The following FIG4 variants were observed in gnomAD, a reference collection of about 807,000 sequenced individuals.
FIG4 encodes the protein FIG4 phosphoinositide 5-phosphatase, also known as polyphosphoinositide phosphatase.
Under a neutral mutation model 118.6 loss-of-function variants are expected in FIG4, and 112 were observed. The ratio of observed to expected loss-of-function variants is 0.94; its 90% CI spans 0.81 to 1.11. The LOEUF (loss-of-function observed/expected upper bound fraction) is 1.11, where lower values mean the gene tolerates loss of function less well. FIG4 is among the 50% of genes least tolerant of loss of function. The pLI is 0.00. For missense variants in FIG4, 969 were observed against 1,111.7 expected, an observed-to-expected ratio of 0.87 and a Z score of 1.83; for synonymous variants, 369 against 381.2, an observed-to-expected ratio of 0.97 and a Z score of 0.37.
intron 1 of FIG4, among the ~76,000 whole-genome samples, chr6:109,705,046 G>A (rs1775021977): frequency 1.3e-5 from 2 of 152,016 alleles, no homozygotes. Context: ...CTAGATGAAG[G>A]GTATATGGGT....
intron 17 of FIG4, 68 bp downstream of exon 17, chr6:109,785,096 A>G: frequency 1.1e-6 from 1 of 872,978 alleles, no homozygotes; most frequent in Non-Finnish European, 2.0e-6. Flanking sequence ...ATGAACTTGA[A>G]GCATTAAATC....
chr6:109,791,314 T>C (rs1344153542), intron 19 of FIG4, 62 bp from the exon 20 acceptor site: 24 of 1,377,564 alleles, frequency 1.7e-5, no homozygotes, highest in Non-Finnish European at 2.4e-5. Flanking sequence ...GACAGAGTGA[T>C]AGACAGTGGG....
chr6:109,785,910 AC>A, intron 17 of FIG4: 1 of 317,862 alleles, frequency 3.1e-6, no homozygotes, highest in South Asian at 2.7e-5. Flanking sequence ...AAGGGTTTTA[AC>A]TAACAGTGGC....
In FIG4 at chr6:109,760,255, A is replaced by G; in HGVS notation, c.1143A>G (p.Arg381=). 2.5e-6 allele frequency: 4 copies of G among 1,613,548 alleles called. No homozygotes were observed. Among genetic ancestry groups the G allele is most frequent in the African/African-American group, 1.3e-5 (1 of 75,056 alleles). ...ATGTTTAATTTTTGATAAAGGAACG[A>G]GAGAAAAGAAAGCATGAAAGAATTC... ...PIIILNLVKE[R]EKRKHERILS... The change falls in exon 11 of 23, where the codon CGA becomes CGG. Residue 381 remains arginine (R), a synonymous_variant. Coordinates refer to ENST00000230124, the MANE Select transcript of FIG4 (RefSeq NM_014845.6).
intron 22 of FIG4, among the ~76,000 whole-genome samples, chr6:109,799,225 A>G (rs1444718679): frequency 2.0e-5 from 3 of 152,220 alleles, no homozygotes; most frequent in Non-Finnish European, 4.4e-5. Context: ...AGAATTCTTT[A>G]ACCTTTTCCA....
chr6:109,780,568 A>C (rs1777770911), intron 16 of FIG4, among the ~76,000 whole-genome samples: 1 of 152,216 alleles, frequency 6.6e-6, no homozygotes, highest in African/African-American at 2.4e-5. Context: ...ATTAAAGATC[A>C]TACGGGATGC....
chr6:109,803,859 A>G (rs1445440226), intron 22 of FIG4, among the ~76,000 whole-genome samples: 1 of 148,166 alleles, frequency 6.7e-6, no homozygotes, highest in Non-Finnish European at 1.5e-5. Context: ...ATGAGTGAGA[A>G]CATGCTGTGT....
chr6:109,809,386 A>G (rs1269987257), intron 22 of FIG4, among the ~76,000 whole-genome samples: 2 of 152,180 alleles, frequency 1.3e-5, no homozygotes, highest in Non-Finnish European at 2.9e-5. Context: ...TGTTTATGCT[A>G]TCATGTGTTG....
intron 21 of FIG4, among the ~76,000 whole-genome samples, chr6:109,795,095 G>GGTT (rs1778240980): frequency 3.5e-5 from 2 of 57,250 alleles, no homozygotes; most frequent in South Asian, 6.9e-4. Context: ...ACACTTGCCA[G>GGTT]TTTTTTTTTT....
chr6:109,725,091 AT>A (rs917701366), intron 3 of FIG4, among the ~76,000 whole-genome samples: 1 of 151,542 alleles, frequency 6.6e-6, no homozygotes. Flanking sequence ...GTTTAGAGTA[AT>A]TTTTTTTTAA....
intron 14 of FIG4, among the ~76,000 whole-genome samples, chr6:109,766,430 G>T (rs1274740489): frequency 6.6e-6 from 1 of 152,176 alleles, no homozygotes; most frequent in Non-Finnish European, 1.5e-5. Flanking sequence ...GAATTGCTCT[G>T]GCAGGCTGCA....
At chr6:109,707,970 T>C (rs1775140005) in intron 1 of FIG4, among the ~76,000 whole-genome samples, 1 of 151,836 alleles carries the variant, frequency 6.6e-6, no homozygotes, top group Non-Finnish European at 1.5e-5. Flanking sequence ...ACATTTTGAT[T>C]ATTCATTTTA....
intron 15 of FIG4, among the ~76,000 whole-genome samples, chr6:109,773,382 CA>C (rs1777522517): frequency 6.6e-6 from 1 of 152,164 alleles, no homozygotes; most frequent in South Asian, 2.1e-4. Flanking sequence ...AGAAATCTAA[CA>C]AAATCACAAA....
chr6:109,731,880 A>G (rs889199066), intron 4 of FIG4, among the ~76,000 whole-genome samples: 1 of 152,180 alleles, frequency 6.6e-6, no homozygotes, highest in African/African-American at 2.4e-5. Context: ...ATAACTTTCA[A>G]CGTAACTAGG....
At chr6:109,759,860 T>C (rs1470718693) in intron 10 of FIG4, among the ~76,000 whole-genome samples, 6 of 152,226 alleles carry the variant, frequency 3.9e-5, no homozygotes. Flanking sequence ...TCATCCAGAC[T>C]AGTTGATTTC....
chr6:109,765,604 C>T (rs1777257568), intron 14 of FIG4, among the ~76,000 whole-genome samples: 1 of 152,112 alleles, frequency 6.6e-6, no homozygotes, highest in African/African-American at 2.4e-5. Flanking sequence ...TATGAATAAA[C>T]ACCACATTCT....
In FIG4 at chr6:109,825,129, T is replaced by C; in HGVS notation, c.2588T>C (p.Val863Ala). ...TTCTCGCAAGATAACATCTATGAAG[T>C]TCAGCCCCCAAGAGTAGACAGAAAA... ...SAFSQDNIYE[V>A]QPPRVDRKST... The change falls in exon 23 of 23, where the codon GTT (valine) becomes GCT (alanine). Residue 863 changes from valine to alanine, a missense_variant. Physicochemically the swap from Val to Ala is moderately conservative, Grantham distance 64. Around this residue, in one of 3 missense-constraint regions of FIG4, gnomAD observed 330 missense variants for 348.1 expected, o/e 0.95. Transcript: ENST00000230124. 6.2e-7 allele frequency: 1 copy of C among 1,614,070 alleles called. No individual in the cohort carries two copies. The highest frequency in any genetic ancestry group is 8.5e-7 in the Non-Finnish European group (1 of 1,179,956).
At chr6:109,784,023 C>T (rs1370365609) in intron 16 of FIG4, among the ~76,000 whole-genome samples, 1 of 152,104 alleles carries the variant, frequency 6.6e-6, no homozygotes, top group Non-Finnish European at 1.5e-5. Flanking sequence ...TGGATACTTT[C>T]CTGTTGCTTC....
At chr6:109,813,956 C>T (rs1778789939) in intron 22 of FIG4, among the ~76,000 whole-genome samples, 1 of 152,166 alleles carries the variant, frequency 6.6e-6, no homozygotes, top group African/African-American at 2.4e-5. Context: ...ACTGCAACCT[C>T]CTGGGACACC....
Sources: allele counts gnomAD v4.1 joint callset (sites outside exome capture counted in the v4.1 genomes callset), GRCh38; gene constraint gnomAD v4.1.1; regional missense constraint gnomAD v4.1.1; transcripts MANE v1.5; gene names NCBI Gene and HGNC (gene_info 2026-07-23, HGNC 2026-07-21).